The following SLC14A2 variants were observed in gnomAD, a reference collection of about 807,000 sequenced individuals.
The protein encoded by SLC14A2 is urea transporter 2.
SLC14A2 carries 91 observed loss-of-function variants against 104.6 expected under a neutral mutation model. The observed-to-expected ratio is 0.87, with a 90% CI of 0.73 to 1.04. The LOEUF (loss-of-function observed/expected upper bound fraction) is 1.04. SLC14A2 is among the 50% of genes least tolerant of loss of function. The pLI, the probability that SLC14A2 is intolerant of heterozygous loss-of-function variation, is 0.00. For missense variants in SLC14A2, 1,189 were observed against 1,156.0 expected, an observed-to-expected ratio of 1.03 and a Z score of -0.41; for synonymous variants, 476 against 466.4, an observed-to-expected ratio of 1.02 and a Z score of -0.27.
intron 2 of SLC14A2, among the ~76,000 whole-genome samples, chr18:45,578,656 C>A (rs1194141446): frequency 1.3e-5 from 2 of 152,148 alleles, no homozygotes; most frequent in East Asian, 3.8e-4. Flanking sequence ...TGTGTCCAAC[C>A]AATTATTGAA....
chr18:45,322,927 A>G (rs1038870227), intron 1 of SLC14A2, among the ~76,000 whole-genome samples: 2 of 152,230 alleles, frequency 1.3e-5, no homozygotes, highest in Non-Finnish European at 2.9e-5. Flanking sequence ...GAGATCACAC[A>G]AACTTTTTCT....
chr18:45,483,582 T>C (rs773148535), intron 2 of SLC14A2: 2 of 152,182 alleles, frequency 1.3e-5, no homozygotes, highest in African/African-American at 2.4e-5. Flanking sequence ...GTTCTATTTA[T>C]ATGTCAAAAA....
intron 2 of SLC14A2, among the ~76,000 whole-genome samples, chr18:45,587,848 C>T (rs763928276): frequency 2.0e-5 from 3 of 152,128 alleles, no homozygotes; most frequent in African/African-American, 4.8e-5. Context: ...TTGAAAAAAA[C>T]GCAGAGGGCA....
At chr18:45,306,516 A>C (rs1034410827) in intron 1 of SLC14A2, among the ~76,000 whole-genome samples, 5 of 152,220 alleles carry the variant, frequency 3.3e-5, no homozygotes, top group African/African-American at 1.2e-4. Context: ...GTATTCCAAT[A>C]ACACTTCATA....
intron 1 of SLC14A2, among the ~76,000 whole-genome samples, chr18:45,453,416 T>C (rs1485486214): frequency 6.6e-6 from 1 of 152,140 alleles, no homozygotes; most frequent in Non-Finnish European, 1.5e-5. Context: ...TCCAGGGCAT[T>C]TTTAAAATCA....
At chr18:45,321,292 C>T (rs890698401) in intron 1 of SLC14A2, among the ~76,000 whole-genome samples, 4 of 152,176 alleles carry the variant, frequency 2.6e-5, no homozygotes, top group African/African-American at 9.7e-5. Flanking sequence ...AACAAGGGGA[C>T]CATATGATCT....
chr18:45,388,822 T>G (rs1598745400), intron 1 of SLC14A2, among the ~76,000 whole-genome samples: 1 of 152,270 alleles, frequency 6.6e-6, no homozygotes, highest in East Asian at 1.9e-4. Context: ...TGCACACAAA[T>G]ACGCATTTGT....
Position 45,500,405 on chromosome 18 carries a change from G to A in SLC14A2, c.-35+17083G>A, listed in dbSNP as rs550674206. ...ATCCTGGCTAACACGGTGAAACCCC[G>A]TCTCTACTAAAAATACAAAAAATTA... On this transcript the variant is annotated intron_variant, in intron 2 of 20. Transcript: ENST00000586448. Among the ~76,000 whole-genome samples, 418 of 151,970 alleles carry A rather than the reference G, an allele frequency of 2.8e-3. 3 individuals carry two copies. Among genetic ancestry groups the A allele is most frequent in the African/African-American group, 9.2e-3 (383 of 41,440 alleles).
intron 1 of SLC14A2, among the ~76,000 whole-genome samples, chr18:45,229,870 G>T (rs1195118236): frequency 1.3e-5 from 2 of 152,154 alleles, no homozygotes; most frequent in Non-Finnish European, 2.9e-5. Context: ...GATTAAAAGT[G>T]TAAGTTCTAA....
chr18:45,532,909 G>A (rs202104361), intron 2 of SLC14A2, among the ~76,000 whole-genome samples: 6 of 151,510 alleles, frequency 4.0e-5, no homozygotes, highest in Non-Finnish European at 5.9e-5. Context: ...TAGCATGAAG[G>A]GTTGTTGAAT....
chr18:45,222,021 T>C (rs1187619180), intron 1 of SLC14A2, among the ~76,000 whole-genome samples: 1 of 152,074 alleles, frequency 6.6e-6, no homozygotes, highest in African/African-American at 2.4e-5. Context: ...AGCTCAGAAG[T>C]CCATTAAGAT....
chr18:45,680,424 G>T (rs1465188626), intron 19 of SLC14A2, among the ~76,000 whole-genome samples: 1 of 152,110 alleles, frequency 6.6e-6, no homozygotes, highest in African/African-American at 2.4e-5. Flanking sequence ...CATTGTGTTG[G>T]CCACTCTCCG....
intron 1 of SLC14A2, among the ~76,000 whole-genome samples, chr18:45,282,883 G>A (rs955166863): frequency 1.3e-5 from 2 of 149,532 alleles, no homozygotes; most frequent in African/African-American, 5.0e-5. Context: ...ATTAACTTGT[G>A]CATTTGTGCA....
chr18:45,400,773 AATTC>A, intron 1 of SLC14A2, among the ~76,000 whole-genome samples: 1 of 152,054 alleles, frequency 6.6e-6, no homozygotes, highest in South Asian at 2.1e-4. Flanking sequence ...CCATGTTTTT[AATTC>A]ATTTGTTTGT....
chr18:45,252,003 C>T (rs554730600), intron 1 of SLC14A2, among the ~76,000 whole-genome samples: 20 of 152,226 alleles, frequency 1.3e-4, no homozygotes, highest in African/African-American at 4.8e-4. Flanking sequence ...GAAACACATC[C>T]CTCGAATCTT....
rs3050837 is a variant in SLC14A2 at position 45,268,964 on chromosome 18, TTGTGTG to T, written c.-125+55791_-125+55796del. On this transcript the variant is annotated intron_variant, in intron 1 of 20. Transcript: ENST00000586448. ...TGCCTCCTTTATGCTGTTGGTGTGT[TTGTGTG>T]TGTGTGTGTGTGTGTGTACAAAACG... Among the ~76,000 whole-genome samples, 3 of 143,560 alleles carry T rather than the reference TTGTGTG, an allele frequency of 2.1e-5. No homozygotes were observed. The East Asian group carries it at 6.1e-4, about 29-fold the overall frequency. The allele number at this position is 143,560 out of a possible 152,430, so 94.2% of individuals were successfully genotyped here.
At chr18:45,250,449 C>G (rs764427509) in intron 1 of SLC14A2, among the ~76,000 whole-genome samples, 2 of 152,058 alleles carry the variant, frequency 1.3e-5, no homozygotes, top group East Asian at 3.9e-4. Flanking sequence ...ATTTTCTCCT[C>G]TTTGTTCTCT....
rs116288805 is a variant in SLC14A2, at chr18:45,677,696, C to T, written c.2513-1279C>T. On this transcript the variant is annotated intron_variant, in intron 18 of 19. Transcript: ENST00000255226. ...ATGAGGATTCAGCAAACACAAAGGA[C>T]GGCATGGGCTCCTATTCGCTCTCAG... Among the ~76,000 whole-genome samples the T allele has an allele frequency of 6.9e-3, 1,051 of 152,308 alleles. 15 individuals are homozygous for T. Among genetic ancestry groups the T allele is most frequent in the African/African-American group, 0.023 (975 of 41,570 alleles).
chr18:45,679,135 C>A, intron 19 of SLC14A2, 111 bp downstream of exon 19: 1 of 994,484 alleles, frequency 1.0e-6, no homozygotes, highest in East Asian at 2.5e-5. Context: ...CCCAGTTCAT[C>A]TCCCTTATTT....
Sources: gnomAD v4.1 joint callset for allele counts (sites outside exome capture counted in the v4.1 genomes callset) on GRCh38, gnomAD v4.1.1 for gene constraint, MANE v1.5 for transcripts, NCBI Gene and HGNC (gene_info 2026-07-23, HGNC 2026-07-21) for gene names.